The following ARID2 variants were observed in gnomAD, a reference collection of about 807,000 sequenced individuals.
ARID2 encodes the protein AT-rich interaction domain 2.
In ARID2, 32 loss-of-function variants were observed where a neutral mutation model predicts 184.6. The observed-to-expected ratio is 0.17, with a 90% CI of 0.13 to 0.23. The LOEUF is 0.23. Ranked by LOEUF, ARID2 falls within the 10% of genes least tolerant of loss-of-function variation. The pLI is 1.00. For missense variants in ARID2, 1,696 were observed against 2,197.6 expected, an observed-to-expected ratio of 0.77 and a Z score of 4.56; for synonymous variants, 836 against 772.6, an observed-to-expected ratio of 1.08 and a Z score of -1.36.
At chr12:45,880,158 C>T (rs1944076401) in intron 16 of ARID2, among the ~76,000 whole-genome samples, 1 of 152,102 alleles carries the variant, frequency 6.6e-6, no homozygotes, top group Non-Finnish European at 1.5e-5. Context: ...TCTATTGCTC[C>T]TCATATATTT....
At chr12:45,820,822 GAGAC>G (rs1942882471) in intron 5 of ARID2, among the ~76,000 whole-genome samples, 1 of 152,162 alleles carries the variant, frequency 6.6e-6, no homozygotes. Context: ...ATGTGGATGA[GAGAC>G]AGAGCGTTAT....
intron 3 of ARID2, among the ~76,000 whole-genome samples, chr12:45,738,512 G>C (rs1941175688): frequency 6.6e-6 from 1 of 151,936 alleles, no homozygotes; most frequent in Non-Finnish European, 1.5e-5. Flanking sequence ...TGGGGTTTCA[G>C]TTGGCCAAGC....
chr12:45,754,878 A>G (rs572361101), intron 3 of ARID2, among the ~76,000 whole-genome samples: 1 of 152,356 alleles, frequency 6.6e-6, no homozygotes, highest in East Asian at 1.9e-4. Flanking sequence ...GCTTGCAAGG[A>G]TAATTGGAAA....
intron 3 of ARID2, among the ~76,000 whole-genome samples, chr12:45,773,645 A>G (rs924749763): frequency 3.3e-5 from 5 of 152,138 alleles, no homozygotes; most frequent in African/African-American, 1.2e-4. Context: ...GATGAGATGG[A>G]CAACTTTCTA....
rs532326087 is a variant in ARID2 at position 45,782,587 on chromosome 12, G to A, written c.285-28831G>A. Among the ~76,000 whole-genome samples, 15 of 151,952 alleles carry A rather than the reference G, an allele frequency of 9.9e-5. 1 individual carries two copies. The highest frequency in any genetic ancestry group is 5.8e-4 in the East Asian group (3 of 5,136). ...GTGGAGGTTGCAGTGAGCCGAGATC[G>A]CGCCATTACACTCCAGCCTGGGCGA... On this transcript the variant is annotated intron_variant, in intron 3 of 20. Coordinates refer to ENST00000334344, the MANE Select transcript of ARID2 (RefSeq NM_152641.4).
chr12:45,761,741 C>T (rs1592060220), intron 3 of ARID2, among the ~76,000 whole-genome samples: 1 of 151,906 alleles, frequency 6.6e-6, no homozygotes, highest in Non-Finnish European at 1.5e-5. Context: ...CACTTTAAGC[C>T]ATTTCAATCT....
chr12:45,799,444 G>A (rs7308856), intron 3 of ARID2, among the ~76,000 whole-genome samples: 15,417 of 152,104 alleles, frequency 0.1, 2,534 homozygotes, highest in African/African-American at 0.34. Flanking sequence ...CCATCTGTCA[G>A]TGGTGCACAT....
chr12:45,836,556 A>T (rs371094634), intron 6 of ARID2, 33 bp from the exon 7 acceptor site: 21 of 1,576,860 alleles, frequency 1.3e-5, no homozygotes, highest in Non-Finnish European at 1.6e-5. Context: ...AGTTGTTTCA[A>T]ATCATGGAGA....
intron 11 of ARID2, among the ~76,000 whole-genome samples, chr12:45,844,723 A>G (rs927306666): frequency 6.6e-6 from 1 of 152,216 alleles, no homozygotes; most frequent in African/African-American, 2.4e-5. Flanking sequence ...CCTTATAGCA[A>G]CATACGAGGT....
intron 7 of ARID2, 38 bp downstream of exon 7, chr12:45,836,693 A>G (rs2138125999): frequency 6.3e-7 from 1 of 1,599,892 alleles, no homozygotes; most frequent in Admixed American, 1.7e-5. Flanking sequence ...AAACCTTTGA[A>G]GTATTAATAA....
At chr12:45,893,117 G>T (rs998645417) in intron 18 of ARID2, among the ~76,000 whole-genome samples, 1 of 152,116 alleles carries the variant, frequency 6.6e-6, no homozygotes, top group African/African-American at 2.4e-5. Flanking sequence ...TCGATGCTAC[G>T]TTGAATTTGT....
intron 20 of ARID2, among the ~76,000 whole-genome samples, chr12:45,898,051 G>A (rs1042081421): frequency 7.2e-5 from 11 of 151,994 alleles, no homozygotes; most frequent in Admixed American, 6.6e-4. Flanking sequence ...ACCTGCCTCG[G>A]CCCCTCAAAG....
In ARID2 at chr12:45,852,191, G is replaced by T. The variant is rs376642988; in HGVS notation, c.4068G>T (p.Pro1356=). 1.9e-5 allele frequency: 30 copies of T among 1,613,944 alleles called. No individual in the cohort carries two copies. Among genetic ancestry groups the T allele is most frequent in the Non-Finnish European group, 2.4e-5 (28 of 1,180,010 alleles). Residue 1356 remains proline, a synonymous_variant, in exon 15 of 21, where the codon CCG becomes CCT. Coordinates refer to ENST00000334344, the MANE Select transcript of ARID2 (RefSeq NM_152641.4). ...ATATCAAAAGTGATTTGAGAAAACC[G>T]CTAGTTAATGGAATCTGTGATTTTG... ...MQDIKSDLRK[P]LVNGICDFDK...
chr12:45,802,978 C>T (rs144919397), intron 3 of ARID2, among the ~76,000 whole-genome samples: 1,739 of 151,848 alleles, frequency 0.011, 12 homozygotes, highest in Non-Finnish European at 0.018. Flanking sequence ...TTTCTTTTCC[C>T]GCTATCCTCT....
At chr12:45,768,180 G>C (rs1248951876) in intron 3 of ARID2, among the ~76,000 whole-genome samples, 1 of 152,018 alleles carries the variant, frequency 6.6e-6, no homozygotes, top group Admixed American at 6.6e-5. Flanking sequence ...CTAGTTGGAG[G>C]GTATCTTTCT....
intron 20 of ARID2, among the ~76,000 whole-genome samples, chr12:45,899,270 CAAAAAA>C (rs774912363): frequency 2.2e-5 from 1 of 46,334 alleles, no homozygotes; most frequent in African/African-American, 1.5e-4. Flanking sequence ...GACTCTGTCT[CAAAAAA>C]AAAAAAAAAA....
intron 3 of ARID2, among the ~76,000 whole-genome samples, chr12:45,771,714 T>C (rs1042369380): frequency 5.9e-5 from 9 of 151,558 alleles, no homozygotes; most frequent in African/African-American, 2.2e-4. Context: ...ATATATAGTC[T>C]TTGGGACCAT....
chr12:45,904,048 T>G (rs910166526), intron 20 of ARID2, among the ~76,000 whole-genome samples: 2 of 152,002 alleles, frequency 1.3e-5, no homozygotes, highest in African/African-American at 4.8e-5. Context: ...CAGCATCCCT[T>G]TTTTTTAGCT....
intron 3 of ARID2, among the ~76,000 whole-genome samples, chr12:45,776,622 A>T (rs1565591833): frequency 6.6e-6 from 1 of 152,088 alleles, no homozygotes; most frequent in African/African-American, 2.4e-5. Context: ...AAATCAAAGG[A>T]TTTTTTTAAA....
Sources: gnomAD v4.1 joint callset for allele counts (sites outside exome capture counted in the v4.1 genomes callset) on GRCh38, gnomAD v4.1.1 for gene constraint, MANE v1.5 for transcripts, NCBI Gene and HGNC (gene_info 2026-07-23, HGNC 2026-07-21) for gene names.